Variants in PLXNA4 observed in about 807,000 individuals in gnomAD.
The protein encoded by PLXNA4 is plexin-A4.
Under a neutral mutation model 191.8 loss-of-function variants are expected in PLXNA4, and 44 were observed. The observed-to-expected ratio is 0.23, with a 90% CI of 0.18 to 0.29. The LOEUF (loss-of-function observed/expected upper bound fraction) is 0.29. Among genes scored for constraint, PLXNA4 ranks in the 10% least tolerant of loss-of-function variants. PLXNA4 has a pLI of 1.00. For synonymous variants in PLXNA4, 1,082 were observed against 1,009.5 expected (o/e 1.07, Z -1.36); for missense variants, 1,800 against 2,488.8 (o/e 0.72, Z 5.89).
At chr7:132,255,680 G>A (rs1799407625) in intron 4 of PLXNA4, among the ~76,000 whole-genome samples, 1 of 152,164 alleles carries the variant, frequency 6.6e-6, no homozygotes, top group African/African-American at 2.4e-5. Context: ...TGACTCCACT[G>A]GGTGATGCCC....
At chr7:132,588,748 G>A (rs1563188185) in intron 2 of PLXNA4, among the ~76,000 whole-genome samples, 1 of 145,868 alleles carries the variant, frequency 6.9e-6, no homozygotes, top group East Asian at 2.1e-4. Flanking sequence ...AAGAAAGAAA[G>A]AGAGAAAGAG....
At chr7:132,395,594 C>A (rs1348506570) in intron 3 of PLXNA4, among the ~76,000 whole-genome samples, 1 of 152,200 alleles carries the variant, frequency 6.6e-6, no homozygotes, top group African/African-American at 2.4e-5. Flanking sequence ...CTGGGCAGAA[C>A]CAGGGGGAAG....
intron 3 of PLXNA4, among the ~76,000 whole-genome samples, chr7:132,440,266 G>T (rs953037621): frequency 2.0e-5 from 3 of 152,168 alleles, no homozygotes; most frequent in African/African-American, 7.2e-5. Flanking sequence ...ATTCTTTGAG[G>T]TTGCTGCCTC....
intron 3 of PLXNA4, among the ~76,000 whole-genome samples, chr7:132,331,069 T>C (rs1487487138): frequency 6.6e-6 from 1 of 152,088 alleles, no homozygotes; most frequent in African/African-American, 2.4e-5. Context: ...GAGGGGCCGC[T>C]CAACCCTGGC....
chr7:132,546,831 G>T (rs1800331086), intron 1 of PLXNA4, among the ~76,000 whole-genome samples: 1 of 152,132 alleles, frequency 6.6e-6, no homozygotes, highest in Non-Finnish European at 1.5e-5. Context: ...CAGGGACTTT[G>T]TAACTTTCAA....
chr7:132,306,774 G>A (rs1472489868), intron 3 of PLXNA4, among the ~76,000 whole-genome samples: 3 of 152,112 alleles, frequency 2.0e-5, no homozygotes, highest in Admixed American at 6.5e-5. Context: ...GTATACACAT[G>A]TGCACTCTCT....
At chr7:132,500,090 T>G in intron 2 of PLXNA4, among the ~76,000 whole-genome samples, 1 of 152,170 alleles carries the variant, frequency 6.6e-6, no homozygotes, top group South Asian at 2.1e-4. Flanking sequence ...TTACAAAAAC[T>G]AAGGGACATG....
intron 1 of PLXNA4, among the ~76,000 whole-genome samples, chr7:132,557,756 T>G (rs1210691281): frequency 2.6e-5 from 4 of 152,090 alleles, no homozygotes; most frequent in African/African-American, 9.7e-5. Context: ...AAAATGATAA[T>G]TGTATGGAAG....
chr7:132,268,985 TGG>T (rs547675260), intron 4 of PLXNA4, among the ~76,000 whole-genome samples: 1 of 152,142 alleles, frequency 6.6e-6, no homozygotes. Context: ...CCTCCAAAAG[TGG>T]GGGCTATGTA....
chr7:132,472,946 G>A (rs918494469), intron 3 of PLXNA4, among the ~76,000 whole-genome samples: 9 of 152,224 alleles, frequency 5.9e-5, no homozygotes, highest in Non-Finnish European at 1.0e-4. Flanking sequence ...GACACACTTC[G>A]TTTGAGATGA....
chr7:132,515,325 T>A (rs1798894549), intron 1 of PLXNA4, among the ~76,000 whole-genome samples: 1 of 152,154 alleles, frequency 6.6e-6, no homozygotes, highest in Admixed American at 6.5e-5. Context: ...TATAAATGTC[T>A]CAATTGTGTC....
chr7:132,459,365 A>T (rs748756801), intron 3 of PLXNA4, among the ~76,000 whole-genome samples: 1 of 152,130 alleles, frequency 6.6e-6, no homozygotes, highest in Non-Finnish European at 1.5e-5. Flanking sequence ...CCCTTTTCTT[A>T]TTTGAAATAT....
chr7:132,178,481 A>G (rs1796550859), intron 20 of PLXNA4, among the ~76,000 whole-genome samples: 1 of 152,198 alleles, frequency 6.6e-6, no homozygotes, highest in South Asian at 2.1e-4. Flanking sequence ...TGTGCCTGCC[A>G]CACATAAAAG....
At chr7:132,462,872 C>T (rs1796567458) in intron 3 of PLXNA4, among the ~76,000 whole-genome samples, 1 of 116,692 alleles carries the variant, frequency 8.6e-6, no homozygotes, top group Non-Finnish European at 1.7e-5. Context: ...TGAGGGGGAC[C>T]GAGTTTTGCT....
chr7:132,498,784 C>A (rs890875835), intron 2 of PLXNA4, among the ~76,000 whole-genome samples: 1 of 152,010 alleles, frequency 6.6e-6, no homozygotes, highest in Admixed American at 6.6e-5. Context: ...GGAGAGCAGA[C>A]CAGAAAACAG....
chr7:132,464,644 T>C (rs1796633101), intron 3 of PLXNA4, among the ~76,000 whole-genome samples: 1 of 152,238 alleles, frequency 6.6e-6, no homozygotes, highest in African/African-American at 2.4e-5. Context: ...GAGATTCACA[T>C]GTGAGGGTAG....
chr7:132,456,364 C>T (rs534038953), intron 3 of PLXNA4, among the ~76,000 whole-genome samples: 13 of 152,202 alleles, frequency 8.5e-5, no homozygotes, highest in African/African-American at 2.2e-4. Context: ...CCACCTGCCT[C>T]GGCCTCCCAA....
At chr7:132,386,912 T>C (rs1039100702) in intron 3 of PLXNA4, among the ~76,000 whole-genome samples, 4 of 152,224 alleles carry the variant, frequency 2.6e-5, no homozygotes, top group African/African-American at 9.6e-5. Context: ...AGGGCCATTC[T>C]GTAAAATTTC....
chr7:132,550,871 C>A (rs1333019413), intron 1 of PLXNA4, among the ~76,000 whole-genome samples: 2 of 152,226 alleles, frequency 1.3e-5, no homozygotes, highest in Non-Finnish European at 2.9e-5. Flanking sequence ...CACTCACACA[C>A]CCAGTATATC....
Sources: allele counts gnomAD v4.1 joint callset (sites outside exome capture counted in the v4.1 genomes callset), GRCh38; gene constraint gnomAD v4.1.1; transcripts MANE v1.5; gene names NCBI Gene and HGNC (gene_info 2026-07-23, HGNC 2026-07-21).